The following FGD5 variants were observed in gnomAD, a reference collection of about 807,000 sequenced individuals.
The protein encoded by FGD5 is FYVE, RhoGEF and PH domain containing 5.
A neutral mutation model predicts 133.4 loss-of-function variants in FGD5; 28 were observed. The ratio of observed to expected loss-of-function variants is 0.21; its 90% CI spans 0.16 to 0.29. The LOEUF (loss-of-function observed/expected upper bound fraction) is 0.29, where lower values mean the gene tolerates loss of function less well. Among genes scored for constraint, FGD5 ranks in the 10% least tolerant of loss-of-function variants. The pLI, the probability that FGD5 is intolerant of heterozygous loss-of-function variation, is 1.00. For synonymous variants in FGD5, 810 were observed against 776.5 expected (o/e 1.04, Z -0.72); for missense variants, 1,858 against 1,895.2 (o/e 0.98, Z 0.36).
At chr3:14,857,845 C>T (rs181958079) in intron 1 of FGD5, among the ~76,000 whole-genome samples, 1 of 152,168 alleles carries the variant, frequency 6.6e-6, no homozygotes, top group Admixed American at 6.5e-5. Context: ...TGTGCCACTT[C>T]TGAGTGCCTT....
At chr3:14,856,600 T>G (rs951192292) in intron 1 of FGD5, among the ~76,000 whole-genome samples, 1 of 152,156 alleles carries the variant, frequency 6.6e-6, no homozygotes, top group South Asian at 2.1e-4. Context: ...TAGTTAAATT[T>G]ATTTCTAGAT....
At chr3:14,847,864 C>A (rs2037079598) in intron 1 of FGD5, among the ~76,000 whole-genome samples, 1 of 152,194 alleles carries the variant, frequency 6.6e-6, no homozygotes, top group Admixed American at 6.5e-5. Flanking sequence ...CTGTGTAGCC[C>A]AGGACAGATG....
chr3:14,900,535 C>A, intron 8 of FGD5, 82 bp downstream of exon 8: 1 of 1,512,750 alleles, frequency 6.6e-7, no homozygotes, highest in Non-Finnish European at 9.0e-7. Flanking sequence ...GCCCCAATTC[C>A]AAGGCCCAGG....
Position 14,880,598 on chromosome 3 carries a change from C to T in FGD5, c.2685C>T (p.Val895=). The T allele has an allele frequency of 6.2e-7, 1 of 1,613,940 alleles. No homozygotes were observed. The highest frequency in any genetic ancestry group is 8.5e-7 in the Non-Finnish European group (1 of 1,179,900). The change falls in exon 3 of 20, where the codon GTC becomes GTT. Residue 895 remains valine, a synonymous_variant. Transcript: ENST00000285046. The part of the protein sequence containing the change: ...HKVEGQSRAL[V]IAQELLSSEK... ...TGGAAGGACAGTCCAGAGCCCTTGT[C>T]ATCGCACAGGAACTGCTATCTTCAG...
intron 4 of FGD5, among the ~76,000 whole-genome samples, chr3:14,883,828 A>G (rs918110982): frequency 2.0e-5 from 3 of 152,234 alleles, no homozygotes; most frequent in African/African-American, 7.2e-5. Context: ...CTGCAGGGGC[A>G]TGAGGGAGGG....
chr3:14,880,543 C>A (rs201399691), intron 2 of FGD5, 29 bp from the exon 3 acceptor site: 1 of 1,610,846 alleles, frequency 6.2e-7, no homozygotes, highest in Non-Finnish European at 8.5e-7. Context: ...GATGCCTGTC[C>A]CACCTGATTG....
intron 9 of FGD5, 114 bp downstream of exon 9, chr3:14,901,175 T>C (rs927540859): frequency 9.9e-6 from 11 of 1,115,116 alleles, no homozygotes; most frequent in Non-Finnish European, 1.5e-5. Context: ...ACCGTCTCTC[T>C]TGTGGGACTC....
At chr3:14,863,625 C>CA (rs560663492) in intron 1 of FGD5, among the ~76,000 whole-genome samples, 1 of 152,220 alleles carries the variant, frequency 6.6e-6, no homozygotes, top group Non-Finnish European at 1.5e-5. Context: ...TGTTGCTATG[C>CA]AGCTGAGTGG....
Position 14,820,321 on chromosome 3 carries a change from T to C in FGD5, c.1250T>C (p.Leu417Pro), listed in dbSNP as rs1424109267. 2 of 1,609,626 alleles carry C rather than the reference T, an allele frequency of 1.2e-6. No homozygotes were observed. The highest frequency in any genetic ancestry group is 3.3e-5 in the Admixed American group (2 of 59,734). ...GPAAPDVVVV[L>P]EEEALDDALA... ...GCAGCCCCTGATGTGGTGGTCGTGC[T>C]GGAGGAGGAGGCCTTGGATGATGCA... Residue 417 changes from leucine to proline, a missense_variant, in exon 1 of 20, where the codon CTG becomes CCG. Physicochemically the swap from Leu to Pro is moderately conservative, Grantham distance 98 (BLOSUM62 -3). Coordinates refer to ENST00000285046, the MANE Select transcript of FGD5 (RefSeq NM_152536.4).
chr3:14,930,539 G>A (rs1314778733), intron 18 of FGD5, among the ~76,000 whole-genome samples: 1 of 151,896 alleles, frequency 6.6e-6, no homozygotes, highest in Non-Finnish European at 1.5e-5. Flanking sequence ...AGAGGTTGCA[G>A]TGAGCCGAGA....
Position 14,901,059 on chromosome 3 carries a change from G to A in FGD5, c.3262G>A (p.Gly1088Arg), listed in dbSNP as rs1407992527. The A allele has an allele frequency of 1.2e-6, 2 of 1,613,882 alleles. No homozygotes were observed. Among genetic ancestry groups the A allele is most frequent in the Non-Finnish European group, 1.7e-6 (2 of 1,179,876 alleles). The change falls in exon 9 of 20, where the codon GGG becomes AGG. Residue 1088 changes from glycine to arginine, a missense_variant and splice_region_variant. Physicochemically the swap from Gly to Arg is moderately radical, Grantham distance 125. Transcript: ENST00000285046. ...CCGTGCCAACGACAGCATGGAGCAA[G>A]GGGTGAGTGCGGCCTGGCGGCCCCC... ...TDRANDSMEQ[G>R]ENLQKLVHIE...
intron 18 of FGD5, among the ~76,000 whole-genome samples, chr3:14,927,983 C>T (rs1432106930): frequency 6.7e-6 from 1 of 149,928 alleles, no homozygotes; most frequent in African/African-American, 2.5e-5. Context: ...CACTCTGTCA[C>T]CAGGCTGGAG....
rs370761344 is a variant in FGD5 at position 14,924,159 on chromosome 3, C to A, written c.4068+21C>A. On this transcript the variant is annotated intron_variant, in intron 17 of 19. Coordinates refer to ENST00000285046, the MANE Select transcript of FGD5 (RefSeq NM_152536.4). ...CAGAGGTAAAGCAGGCAGGGCTACCCAAGTGGGAAGTAGGGCATTTGGAAG... is the reference window on the plus strand; with the variant it reads ...CAGAGGTAAAGCAGGCAGGGCTACCAAAGTGGGAAGTAGGGCATTTGGAAG... 2.4e-4 allele frequency: 391 copies of A among 1,613,826 alleles called. 4 individuals are homozygous for A. Among genetic ancestry groups the A allele is most frequent in the South Asian group, 1.4e-3 (132 of 91,072 alleles).
intron 11 of FGD5, among the ~76,000 whole-genome samples, chr3:14,913,632 C>T (rs1446152528): frequency 2.0e-5 from 3 of 152,202 alleles, no homozygotes; most frequent in Admixed American, 2.0e-4. Flanking sequence ...CTGTCTTGGC[C>T]CCTCAGCCAT....
intron 11 of FGD5, among the ~76,000 whole-genome samples, chr3:14,914,321 C>A (rs558350977): frequency 6.6e-6 from 1 of 152,218 alleles, no homozygotes; most frequent in Admixed American, 6.5e-5. Flanking sequence ...TACCAGGCAG[C>A]GACGTCCTTG....
At chr3:14,899,510 T>C (rs1044694609) in intron 7 of FGD5, among the ~76,000 whole-genome samples, 2 of 152,188 alleles carry the variant, frequency 1.3e-5, no homozygotes, top group Non-Finnish European at 2.9e-5. Context: ...ACAGTACATA[T>C]GTAGGCATGG....
chr3:14,817,545 G>A (rs946877783), upstream of FGD5, among the ~76,000 whole-genome samples: 1 of 152,160 alleles, frequency 6.6e-6, no homozygotes, highest in Non-Finnish European at 1.5e-5. Context: ...AATTGCCTAT[G>A]TAGTGATACA....
rs1395902660 is a variant in FGD5 at position 14,907,670 on chromosome 3, C to G, written c.3295C>G (p.His1099Asp). The G allele has an allele frequency of 1.2e-6, 2 of 1,613,752 alleles. No homozygotes were observed. Among genetic ancestry groups the G allele is most frequent in the East Asian group, 4.5e-5 (2 of 44,878 alleles). Reference sequence around the variant, plus strand: ...CCTGCAGAAGCTGGTCCACATTGAGCACAGCGTCCGGGGCCAAGGGGATCT... The same window carrying G: ...CCTGCAGAAGCTGGTCCACATTGAGGACAGCGTCCGGGGCCAAGGGGATCT... Reference protein sequence around the residue: ...ENLQKLVHIEHSVRGQGDLLQ... With the variant: ...ENLQKLVHIEDSVRGQGDLLQ... Residue 1099 changes from histidine (H) to aspartate (D), a missense_variant, in exon 10 of 20, where the codon CAC becomes GAC. His to Asp is a moderately conservative substitution (Grantham distance 81, BLOSUM62 -1). Coordinates refer to ENST00000285046, the MANE Select transcript of FGD5 (RefSeq NM_152536.4).
intron 1 of FGD5, among the ~76,000 whole-genome samples, chr3:14,840,572 C>G (rs916514468): frequency 6.6e-6 from 1 of 152,118 alleles, no homozygotes; most frequent in Non-Finnish European, 1.5e-5. Context: ...TCAGCACAGG[C>G]AGATCCACTC....
Sources: allele counts gnomAD v4.1 joint callset (sites outside exome capture counted in the v4.1 genomes callset), GRCh38; gene constraint gnomAD v4.1.1; transcripts MANE v1.5; gene names NCBI Gene and HGNC (gene_info 2026-07-23, HGNC 2026-07-21).